The following NT5DC1 variants were observed in gnomAD, a reference collection of about 807,000 sequenced individuals.
NT5DC1 encodes 5'-nucleotidase domain-containing protein 1.
Under a neutral mutation model 59.4 loss-of-function variants are expected in NT5DC1, and 42 were observed. The observed-to-expected ratio is 0.71, with a 90% CI of 0.55 to 0.92. The LOEUF (loss-of-function observed/expected upper bound fraction) is 0.92. Ranked by LOEUF, NT5DC1 falls within the 40% of genes least tolerant of loss-of-function variation. The pLI, the probability that NT5DC1 is intolerant of heterozygous loss-of-function variation, is 0.00. For missense variants in NT5DC1, 501 were observed against 537.1 expected (o/e 0.93, Z 0.66); for synonymous variants, 172 against 188.1 (o/e 0.91, Z 0.70).
Position 116,244,270 on chromosome 6 carries a change from C to T in NT5DC1, c.*246C>T, listed in dbSNP as rs905958304. 14 of 268,392 alleles carry T rather than the reference C, an allele frequency of 5.2e-5. No individual in the cohort carries two copies. The highest frequency in any genetic ancestry group is 9.2e-5 in the Non-Finnish European group (13 of 141,692). 16.6% of individuals were successfully genotyped at this position (268,392 alleles called of 1,614,324 possible). On this transcript the variant is annotated 3_prime_UTR_variant, in exon 12 of 12. Coordinates refer to ENST00000319550, the MANE Select transcript of NT5DC1 (RefSeq NM_152729.3). ...ATACAGTAGTTTTGTGATTAGAATT[C>T]ACCTGGGGACACACACTCACACGCA...
rs751058357 is a variant in NT5DC1, at chr6:116,121,879, TGGTCCAGAAGGACCTGGGTGCCCTCGA to T, written c.529+3942_529+3968del. 1.2e-6 allele frequency: 2 copies of T among 1,614,024 alleles called. No individual in the cohort carries two copies. Among genetic ancestry groups the T allele is most frequent in the Non-Finnish European group, 1.7e-6 (2 of 1,179,988 alleles). ...GACTTCCGTAGCCTGGTTTTCCTGG[TGGTCCAGAAGGACCTGGGTGCCCTCGA>T]GGTCCAGCAGGGCCTGGTGGACCAG... On this transcript the variant is annotated intron_variant, in intron 6 of 11. Transcript: ENST00000319550.
intron 6 of NT5DC1, among the ~76,000 whole-genome samples, chr6:116,183,447 G>A (rs1052518869): frequency 5.3e-5 from 8 of 151,958 alleles, no homozygotes; most frequent in Admixed American, 5.2e-4. Context: ...CATTGAATCT[G>A]TATATTGCTT....
chr6:116,127,488 G>A (rs1467407680), intron 6 of NT5DC1, among the ~76,000 whole-genome samples: 1 of 151,986 alleles, frequency 6.6e-6, no homozygotes, highest in African/African-American at 2.4e-5. Flanking sequence ...AAATAGGAAA[G>A]TTTATAATTC....
chr6:116,150,062 A>C (rs1441107724), intron 6 of NT5DC1, among the ~76,000 whole-genome samples: 2 of 152,182 alleles, frequency 1.3e-5, no homozygotes, highest in Non-Finnish European at 2.9e-5. Flanking sequence ...GTTGAAGTTT[A>C]GAGAATAGGA....
chr6:116,129,308 T>A (rs532253246), intron 6 of NT5DC1, among the ~76,000 whole-genome samples: 1 of 152,296 alleles, frequency 6.6e-6, no homozygotes, highest in East Asian at 1.9e-4. Flanking sequence ...TGATAAATTG[T>A]TTGTTGAAAT....
In NT5DC1 at chr6:116,211,331, T is replaced by C. The variant is rs1781573915; in HGVS notation, c.530-9723T>C. Reference sequence around the variant, plus strand: ...GTCAACCCTCAGAATCAGGAGATGATAATACATTGTTATTTTAAGCCATCA... The same window carrying C: ...GTCAACCCTCAGAATCAGGAGATGACAATACATTGTTATTTTAAGCCATCA... On this transcript the variant is annotated intron_variant, in intron 6 of 11. Transcript: ENST00000319550. Among the ~76,000 whole-genome samples the C allele has an allele frequency of 2.0e-5, 3 of 152,070 alleles. No homozygotes were observed. In the South Asian group the frequency reaches 6.2e-4, roughly 32 times the overall value.
intron 6 of NT5DC1, among the ~76,000 whole-genome samples, chr6:116,210,614 A>C (rs1204960210): frequency 6.6e-6 from 1 of 151,986 alleles, no homozygotes; most frequent in Non-Finnish European, 1.5e-5. Flanking sequence ...TAAATCCATT[A>C]ATAGTTATAA....
At chr6:116,235,149 G>A (rs1398613204) in intron 8 of NT5DC1, among the ~76,000 whole-genome samples, 1 of 149,626 alleles carries the variant, frequency 6.7e-6, no homozygotes, top group East Asian at 2.0e-4. Context: ...TTCTCTTCCC[G>A]TTATCCTTGC....
intron 4 of NT5DC1, among the ~76,000 whole-genome samples, chr6:116,111,869 A>C (rs183713908): frequency 2.0e-5 from 3 of 152,230 alleles, no homozygotes; most frequent in Admixed American, 6.5e-5. Context: ...TTGTATACCT[A>C]TCAAGTCAGA....
At chr6:116,175,423 C>G (rs1325461061) in intron 6 of NT5DC1, among the ~76,000 whole-genome samples, 1 of 152,138 alleles carries the variant, frequency 6.6e-6, no homozygotes, top group Non-Finnish European at 1.5e-5. Context: ...GAGTATTTAT[C>G]TCACTGAACT....
At chr6:116,207,279 G>A (rs1302506455) in intron 6 of NT5DC1, among the ~76,000 whole-genome samples, 1 of 143,964 alleles carries the variant, frequency 6.9e-6, no homozygotes, top group African/African-American at 2.8e-5. Context: ...TTCTGTACCT[G>A]CATTTCCTTT....
At chr6:116,236,938 G>C (rs1441858716) in intron 8 of NT5DC1, 28 bp from the exon 9 acceptor site, 13 of 1,410,520 alleles carry the variant, frequency 9.2e-6, no homozygotes, top group Non-Finnish European at 1.3e-5. Context: ...TGATTAAAAA[G>C]TATATGATTG....
At chr6:116,124,895 A>G (rs1779246857) in intron 6 of NT5DC1, among the ~76,000 whole-genome samples, 1 of 152,136 alleles carries the variant, frequency 6.6e-6, no homozygotes. Context: ...TCGGTTTTAT[A>G]TCTGTTTGTG....
At chr6:116,170,344 A>C (rs1398901293) in intron 6 of NT5DC1, among the ~76,000 whole-genome samples, 1 of 152,180 alleles carries the variant, frequency 6.6e-6, no homozygotes, top group Admixed American at 6.5e-5. Context: ...CATAGAGTAC[A>C]GACTTAAGTT....
intron 6 of NT5DC1, among the ~76,000 whole-genome samples, chr6:116,144,943 G>A (rs1779859374): frequency 6.6e-6 from 1 of 152,210 alleles, no homozygotes; most frequent in Admixed American, 6.5e-5. Flanking sequence ...GTTCTAAAAT[G>A]TGCTAGTTGC....
At chr6:116,155,199 T>C (rs1172085272) in intron 6 of NT5DC1, among the ~76,000 whole-genome samples, 1 of 152,182 alleles carries the variant, frequency 6.6e-6, no homozygotes, top group African/African-American at 2.4e-5. Context: ...TTTGCATGGG[T>C]TTAGTGCTTA....
intron 6 of NT5DC1, among the ~76,000 whole-genome samples, chr6:116,167,075 TCAGAG>T (rs1490266699): frequency 6.6e-6 from 1 of 152,160 alleles, no homozygotes; most frequent in African/African-American, 2.4e-5. Flanking sequence ...TTAAAACTAT[TCAGAG>T]CATGTGATAT....
At chr6:116,143,442 A>C (rs1213894914) in intron 6 of NT5DC1, among the ~76,000 whole-genome samples, 1 of 152,038 alleles carries the variant, frequency 6.6e-6, no homozygotes, top group African/African-American at 2.4e-5. Context: ...TTGATCTCTT[A>C]ACCTTGTGAT....
At chr6:116,232,951 TA>T (rs1782047468) in intron 8 of NT5DC1, among the ~76,000 whole-genome samples, 1 of 152,232 alleles carries the variant, frequency 6.6e-6, no homozygotes, top group Non-Finnish European at 1.5e-5. Flanking sequence ...ATTTGTTTCT[TA>T]ACTTCATTAG....
Sources: allele counts gnomAD v4.1 joint callset (sites outside exome capture counted in the v4.1 genomes callset), GRCh38; gene constraint gnomAD v4.1.1; transcripts MANE v1.5; gene names NCBI Gene and HGNC (gene_info 2026-07-23, HGNC 2026-07-21).